Variants in RELN observed in about 807,000 individuals in gnomAD.
RELN encodes the protein reelin.
A neutral mutation model predicts 427.6 loss-of-function variants in RELN; 108 were observed. The observed-to-expected ratio is 0.25, with a 90% CI of 0.22 to 0.30. The LOEUF (loss-of-function observed/expected upper bound fraction) is 0.30. Among genes scored for constraint, RELN ranks in the 10% least tolerant of loss-of-function variants. The probability of loss-of-function intolerance (pLI) is 1.00; values close to 1 mark genes in which losing one functional copy is unlikely to be tolerated. For missense variants in RELN, 3,715 were observed against 4,302.8 expected, an observed-to-expected ratio of 0.86 and a Z score of 3.82; for synonymous variants, 1,524 against 1,513.4, an observed-to-expected ratio of 1.01 and a Z score of -0.16.
intron 3 of RELN, 35 bp from the exon 4 acceptor site, chr7:103,776,662 T>A (rs1456481552): frequency 1.2e-6 from 2 of 1,600,998 alleles, no homozygotes; most frequent in Non-Finnish European, 1.7e-6. Context: ...ATTCAACTCT[T>A]GTAATATGTT....
chr7:103,658,722 T>C (rs1315360141), intron 12 of RELN, among the ~76,000 whole-genome samples: 1 of 152,042 alleles, frequency 6.6e-6, no homozygotes, highest in African/African-American at 2.4e-5. Flanking sequence ...CCATGTATTA[T>C]ACTTGGGCTT....
chr7:103,826,956 T>A (rs1217418858), intron 3 of RELN, among the ~76,000 whole-genome samples: 2 of 151,090 alleles, frequency 1.3e-5, no homozygotes, highest in African/African-American at 4.9e-5. Context: ...CTCACACCAT[T>A]ACATGAGATG....
At chr7:103,702,780 T>C (rs866741333) in intron 8 of RELN, among the ~76,000 whole-genome samples, 36 of 152,032 alleles carry the variant, frequency 2.4e-4, no homozygotes, top group African/African-American at 8.2e-4. Flanking sequence ...ATCTCTGCAA[T>C]AGTGATTAGT....
At chr7:103,906,151 G>A (rs1282877592) in intron 2 of RELN, among the ~76,000 whole-genome samples, 2 of 152,100 alleles carry the variant, frequency 1.3e-5, no homozygotes, top group Non-Finnish European at 2.9e-5. Flanking sequence ...GGTTAGAGCA[G>A]AGAGGGCCTT....
At chr7:103,842,219 C>A (rs367580138) in intron 2 of RELN, among the ~76,000 whole-genome samples, 70 of 150,792 alleles carry the variant, frequency 4.6e-4, no homozygotes, top group African/African-American at 1.7e-3. Flanking sequence ...ATCATTTGCT[C>A]TTTCTTTAAA....
At chr7:103,507,303 G>A (rs1167712632) in intron 51 of RELN, among the ~76,000 whole-genome samples, 1 of 152,148 alleles carries the variant, frequency 6.6e-6, no homozygotes, top group Non-Finnish European at 1.5e-5. Context: ...CTCAGCAAAT[G>A]CAAAAGAGCG....
intron 2 of RELN, among the ~76,000 whole-genome samples, chr7:103,869,271 C>G (rs1794272379): frequency 1.3e-5 from 2 of 152,004 alleles, no homozygotes; most frequent in Non-Finnish European, 2.9e-5. Context: ...TTCTTTCTTT[C>G]TTTTAGGAAA....
chr7:103,594,805 CA>C (rs1831501189), intron 25 of RELN, among the ~76,000 whole-genome samples: 1 of 152,026 alleles, frequency 6.6e-6, no homozygotes, highest in East Asian at 1.9e-4. Flanking sequence ...AAAGAAATAT[CA>C]AGATAAAATT....
intron 28 of RELN, among the ~76,000 whole-genome samples, chr7:103,587,652 T>C (rs575746037): frequency 1.3e-5 from 2 of 152,068 alleles, no homozygotes; most frequent in African/African-American, 4.8e-5. Flanking sequence ...ATAATAGGAA[T>C]AGAGTATACA....
intron 50 of RELN, among the ~76,000 whole-genome samples, chr7:103,514,306 A>T (rs976387651): frequency 6.6e-6 from 1 of 152,200 alleles, no homozygotes; most frequent in African/African-American, 2.4e-5. Flanking sequence ...AATATAAGAC[A>T]CCACTTTTTA....
At chr7:103,645,872 A>G (rs1198264020) in intron 16 of RELN, among the ~76,000 whole-genome samples, 1 of 151,928 alleles carries the variant, frequency 6.6e-6, no homozygotes, top group Non-Finnish European at 1.5e-5. Flanking sequence ...AGGACAGGCC[A>G]TATGTTAGGC....
intron 2 of RELN, among the ~76,000 whole-genome samples, chr7:103,857,111 A>G (rs1279121807): frequency 6.6e-6 from 1 of 152,098 alleles, no homozygotes; most frequent in Non-Finnish European, 1.5e-5. Context: ...CTCTTGCAAC[A>G]TATGTTATTG....
chr7:103,566,647 G>A lies in RELN; in HGVS notation c.4701C>T (p.Asp1567=), dbSNP rs755634872. ...GAAATGCCGTTGCAGGTGTCTTCGC[G>A]TCCTGTGGCAGGTCAATGGAAATGA... The part of the protein sequence containing the change: ...PQIISIDLPQ[D]AKTPATAFRW... The change falls in exon 32 of 65, where the codon GAC becomes GAT. Residue 1567 remains aspartate, a synonymous_variant. Transcript: ENST00000428762. 69 of 1,614,036 alleles carry A rather than the reference G, an allele frequency of 4.3e-5. No homozygotes were observed. Among genetic ancestry groups the A allele is most frequent in the Admixed American group, 3.0e-4 (18 of 60,000 alleles).
At chr7:103,554,394 T>C (rs1830480571) in intron 38 of RELN, among the ~76,000 whole-genome samples, 1 of 150,380 alleles carries the variant, frequency 6.6e-6, no homozygotes, top group Non-Finnish European at 1.5e-5. Flanking sequence ...CTCGTCTCTA[T>C]AAAAAAGCAA....
chr7:103,918,319 G>C (rs557683804), intron 1 of RELN, among the ~76,000 whole-genome samples: 28 of 152,198 alleles, frequency 1.8e-4, no homozygotes, highest in African/African-American at 6.3e-4. Context: ...GGGCACTGAG[G>C]TAAGTAGTTT....
At chr7:103,515,547 G>T in intron 49 of RELN, 106 bp from the exon 50 acceptor site, 1 of 1,400,668 alleles carries the variant, frequency 7.1e-7, no homozygotes, top group Non-Finnish European at 9.9e-7. Flanking sequence ...TCACATGGTG[G>T]GTGAGGGAAG....
intron 6 of RELN, among the ~76,000 whole-genome samples, chr7:103,737,424 C>T (rs190982486): frequency 1.1e-3 from 161 of 152,342 alleles, no homozygotes; most frequent in Admixed American, 0.011. Flanking sequence ...GTAGTTCTCA[C>T]ACTTGGCTAC....
intron 2 of RELN, among the ~76,000 whole-genome samples, chr7:103,901,086 T>C (rs959082094): frequency 4.0e-5 from 6 of 151,880 alleles, no homozygotes; most frequent in Admixed American, 2.0e-4. Flanking sequence ...AATTTAAAAA[T>C]TGGAAAAAGA....
At chr7:103,483,086 T>G in intron 62 of RELN, 115 bp from the exon 63 acceptor site, 1 of 824,952 alleles carries the variant, frequency 1.2e-6, no homozygotes, top group Non-Finnish European at 2.0e-6. Flanking sequence ...CAAAATGTTA[T>G]GCATGGAATT....
Sources: allele counts gnomAD v4.1 joint callset (sites outside exome capture counted in the v4.1 genomes callset), GRCh38; gene constraint gnomAD v4.1.1; transcripts MANE v1.5; gene names NCBI Gene and HGNC (gene_info 2026-07-23, HGNC 2026-07-21).